Variants in F12 observed in about 807,000 individuals in gnomAD.
F12 encodes the protein Hageman factor.
Under a neutral mutation model 74.8 loss-of-function variants are expected in F12, and 70 were observed. That is an observed-to-expected ratio of 0.94 (90% CI 0.77 to 1.14). F12 has a LOEUF of 1.14. F12 is among the 50% of genes most tolerant of loss of function. The pLI, the probability that F12 is intolerant of heterozygous loss-of-function variation, is 0.00. For synonymous variants in F12, 373 were observed against 356.4 expected, an observed-to-expected ratio of 1.05 and a Z score of -0.52; for missense variants, 811 against 835.7, an observed-to-expected ratio of 0.97 and a Z score of 0.36.
chr5:177,407,876 G>T (rs1381423775), intron 2 of F12, among the ~76,000 whole-genome samples: 2 of 152,060 alleles, frequency 1.3e-5, no homozygotes, highest in African/African-American at 4.8e-5. Flanking sequence ...CCAAGTTTGG[G>T]TAAGGCAAGA....
chr5:177,404,947 G>A (rs200921759), intron 6 of F12, 33 bp from the exon 7 acceptor site: 1 of 1,586,468 alleles, frequency 6.3e-7, no homozygotes, highest in Non-Finnish European at 8.5e-7. Context: ...CCACCCCTGG[G>A]CCTAAAGACC....
chr5:177,402,973 G>A, intron 12 of F12: 1 of 665,568 alleles, frequency 1.5e-6, no homozygotes, highest in African/African-American at 1.8e-5. Flanking sequence ...AGCCCGGAGC[G>A]CGGGGCCAGC....
chr5:177,404,466 G>A (rs1036264315), intron 8 of F12, 33 bp downstream of exon 8: 19 of 1,596,130 alleles, frequency 1.2e-5, no homozygotes, highest in Non-Finnish European at 1.5e-5. Flanking sequence ...GGAGCCCTGG[G>A]GCGGAGGGGT....
chr5:177,403,413 AG>A lies in F12; in HGVS notation c.1388-17del. ...CGCAACAGAGCTAACCCGGGCGGAG[AG>A]GAGCGTGAGGCGGGGACGCCGGGGC... On this transcript the variant is annotated splice_polypyrimidine_tract_variant and intron_variant, in intron 11 of 13. Transcript: ENST00000253496. 1 of 1,585,668 alleles carries A rather than the reference AG, an allele frequency of 6.3e-7. No individual in the cohort carries two copies. The highest frequency in any genetic ancestry group is 8.5e-7 in the Non-Finnish European group (1 of 1,172,622).
chr5:177,409,015 G>A (rs373583569), intron 2 of F12, 31 bp downstream of exon 2: 17 of 1,549,138 alleles, frequency 1.1e-5, no homozygotes, highest in Non-Finnish European at 1.5e-5. Context: ...CCCACCCAAG[G>A]GTTCCCGGGA....
rs777442067 is a variant in F12, at chr5:177,406,078, C to T, written c.116-17G>A. 9.3e-6 allele frequency: 15 copies of T among 1,608,068 alleles called. No homozygotes were observed. The highest frequency in any genetic ancestry group is 1.3e-5 in the Non-Finnish European group (15 of 1,174,632). The stretch of plus-strand genomic sequence containing the variant: ...CAGTGAGAACTGCAGGGACAACACA[C>T]TCTCTGAGGACTTCCCCTGTACTCA... On this transcript the variant is annotated splice_polypyrimidine_tract_variant and intron_variant, in intron 2 of 13. Coordinates refer to ENST00000253496, the MANE Select transcript of F12 (RefSeq NM_000505.4).
intron 2 of F12, among the ~76,000 whole-genome samples, chr5:177,408,696 C>A (rs1271162218): frequency 1.3e-5 from 2 of 152,246 alleles, no homozygotes; most frequent in African/African-American, 2.4e-5. Flanking sequence ...TCCTTCCTTG[C>A]CCATTGAAGG....
chr5:177,405,603 T>C, intron 4 of F12, 132 bp downstream of exon 4: 2 of 1,212,920 alleles, frequency 1.6e-6, no homozygotes, highest in South Asian at 1.2e-5. Context: ...CCCTCTGGAC[T>C]TCCAAAGGGT....
At position 177,405,190 on chromosome 5, in the gene F12, G is replaced by A. The variant is rs757345398; in HGVS notation, c.398-5C>T. On this transcript the variant is annotated splice_polypyrimidine_tract_variant and splice_region_variant and intron_variant, in intron 5 of 13. Transcript: ENST00000253496. ...GCTGAGGCTCAAAGCACTTCTCTGG[G>A]GACAAAGAGGGATAGTGGTCTCAGG... The A allele has an allele frequency of 1.2e-6, 2 of 1,613,786 alleles. No homozygotes were observed. Among genetic ancestry groups the A allele is most frequent in the Non-Finnish European group, 1.7e-6 (2 of 1,180,030 alleles).
At chr5:177,406,453 C>A (rs959719108) in intron 2 of F12, among the ~76,000 whole-genome samples, 3 of 151,950 alleles carry the variant, frequency 2.0e-5, no homozygotes, top group Non-Finnish European at 2.9e-5. Context: ...CGCGCCACTG[C>A]ACTCCAGCCT....
chr5:177,405,183 T>C lies in F12; in HGVS notation c.400A>G (p.Lys134Glu), dbSNP rs567178642. The change falls in exon 6 of 14, where the codon AAG becomes GAG. Residue 134 changes from lysine to glutamate, a missense_variant and splice_region_variant. Lys to Glu is a moderately conservative substitution (Grantham distance 56). Transcript: ENST00000253496. The stretch of plus-strand genomic sequence containing the variant: ...CGGAGAAGCTGAGGCTCAAAGCACT[T>C]CTCTGGGGACAAAGAGGGATAGTGG... ...HLTGNHCQKE[K>E]CFEPQLLRFF... is the part of the protein sequence containing the mutation. The C allele has an allele frequency of 1.2e-6, 2 of 1,613,970 alleles. No individual in the cohort carries two copies. Among genetic ancestry groups the C allele is most frequent in the South Asian group, 2.2e-5 (2 of 91,090 alleles).
intron 3 of F12, 31 bp from the exon 4 acceptor site, chr5:177,405,836 A>G: frequency 6.2e-7 from 1 of 1,612,164 alleles, no homozygotes; most frequent in Non-Finnish European, 8.5e-7. Flanking sequence ...TCCCTGCTCT[A>G]CCCAGGGGCC....
rs780001153 is a variant in F12 at position 177,404,053 on chromosome 5, G to T, written c.1056C>A (p.Thr352=). Residue 352 remains threonine (T), a synonymous_variant, in exon 10 of 14, where the codon ACC becomes ACA. Coordinates refer to ENST00000253496, the MANE Select transcript of F12 (RefSeq NM_000505.4). ...GCCCGCAGCTCAGTGGGCCGTTCCT[G>T]GTCAGGGAAGGCGGCTGCTCCCGCT... is the stretch of plus-strand genomic sequence containing the variant. ...PAKREQPPSL[T]RNGPLSCGQR... 4.4e-6 allele frequency: 7 copies of T among 1,602,662 alleles called. No individual in the cohort carries two copies. The highest frequency in any genetic ancestry group is 5.9e-6 in the Non-Finnish European group (7 of 1,179,572).
Position 177,405,352 on chromosome 5 carries a change from TGTGGACAGAG to T in F12, c.358_367del (p.Leu120AsnfsTer68). On this transcript the variant is annotated frameshift_variant, in exon 5 of 14. Transcript: ENST00000253496. LOFTEE classifies it high-confidence loss of function. ...CTGGCAGTGGTTTCCAGTGAGGTGTTGTGGACAGAGACAGTGGGGGCCGCTTGGCATGTTC... is the reference window on the plus strand; with the variant it reads ...CTGGCAGTGGTTTCCAGTGAGGTGTTACAGTGGGGGCCGCTTGGCATGTTC... The T allele has an allele frequency of 6.2e-7, 1 of 1,614,138 alleles. No individual in the cohort carries two copies. The highest frequency in any genetic ancestry group is 8.5e-7 in the Non-Finnish European group (1 of 1,180,012).
rs756104400 is a variant in F12, at chr5:177,404,447, C to G, written c.801-34G>C. ...ACACGACGGGGCGCCGTTAGAGCGCCGGGAGCCCGGAGCCCTGGGGCGGAG... is the reference window on the plus strand; with the variant it reads ...ACACGACGGGGCGCCGTTAGAGCGCGGGGAGCCCGGAGCCCTGGGGCGGAG... On this transcript the variant is annotated intron_variant, in intron 8 of 13. Transcript: ENST00000253496. 3.7e-6 allele frequency: 6 copies of G among 1,602,052 alleles called. No homozygotes were observed. The South Asian group carries it at 6.7e-5, about 18-fold the overall frequency.
chr5:177,406,225 A>G (rs575632672), intron 2 of F12, among the ~76,000 whole-genome samples, 164 bp from the exon 3 acceptor site: 1 of 152,334 alleles, frequency 6.6e-6, no homozygotes, highest in East Asian at 1.9e-4. Context: ...GCGGTGGCTC[A>G]AGCCTGTAAT....
Position 177,405,718 on chromosome 5 carries a change from G to T in F12, c.286+17C>A, listed in dbSNP as rs770500700. ...GAGGAGAGAGCCCCAGGCCACCCCA[G>T]AGGCTGTGTGTAGCACCTTTCACTT... On this transcript the variant is annotated intron_variant, in intron 4 of 13. Coordinates refer to ENST00000253496, the MANE Select transcript of F12 (RefSeq NM_000505.4). 6.2e-7 allele frequency: 1 copy of T among 1,613,776 alleles called. No homozygotes were observed. The highest frequency in any genetic ancestry group is 1.7e-5 in the Admixed American group (1 of 60,028).
chr5:177,403,502 C>T lies in F12; in HGVS notation c.1366G>A (p.Val456Ile), dbSNP rs866108111. The T allele has an allele frequency of 1.9e-6, 3 of 1,570,536 alleles. No homozygotes were observed. The South Asian group carries it at 3.4e-5, about 18-fold the overall frequency. The change falls in exon 11 of 14, where the codon GTC (valine) becomes ATC (isoleucine). Residue 456 changes from valine to isoleucine, a missense_variant. Physicochemically the swap from Val to Ile is conservative, Grantham distance 29 (BLOSUM62 3). Coordinates refer to ENST00000253496, the MANE Select transcript of F12 (RefSeq NM_000505.4). Reference protein sequence around the residue: ...SYRLHEAFSPVSYQHDLALLR... With the variant: ...SYRLHEAFSPISYQHDLALLR... ...GCACCCAGGTCGTGCTGGTAGCTGA[C>T]GGGCGAGAAGGCCTCGTGCAAGCGG... is the stretch of plus-strand genomic sequence containing the variant.
chr5:177,409,390 T>G, intron 1 of F12, 81 bp downstream of exon 1: 7 of 1,515,792 alleles, frequency 4.6e-6, no homozygotes, highest in Non-Finnish European at 6.4e-6. Flanking sequence ...CCACAGGTCA[T>G]GAGCAGAGGC....
Sources: allele counts gnomAD v4.1 joint callset (sites outside exome capture counted in the v4.1 genomes callset), GRCh38; gene constraint gnomAD v4.1.1; transcripts MANE v1.5; gene names NCBI Gene and HGNC (gene_info 2026-07-23, HGNC 2026-07-21).